The following NF2 variants were observed in gnomAD, a reference collection of about 807,000 sequenced individuals.
NF2 encodes NF2, moesin-ezrin-radixin like (MERLIN) tumor suppressor.
NF2 carries 8 observed loss-of-function variants against 83.7 expected under a neutral mutation model. That is an observed-to-expected ratio of 0.10 (90% CI 0.06 to 0.17). The LOEUF is 0.17. Ranked by LOEUF, NF2 falls within the 10% of genes least tolerant of loss-of-function variation. The pLI is 1.00. For synonymous variants in NF2, 266 were observed against 269.6 expected, an observed-to-expected ratio of 0.99 and a Z score of 0.13; for missense variants, 533 against 744.4, an observed-to-expected ratio of 0.72 and a Z score of 3.31.
At chr22:29,619,970 A>G (rs1036670280) in intron 1 of NF2, among the ~76,000 whole-genome samples, 1 of 152,168 alleles carries the variant, frequency 6.6e-6, no homozygotes, top group Non-Finnish European at 1.5e-5. Flanking sequence ...CATTCAAGAG[A>G]TATTATAAAA....
chr22:29,606,088 G>T (rs11704849), intron 1 of NF2, among the ~76,000 whole-genome samples: 18,191 of 152,270 alleles, frequency 0.12, 1,396 homozygotes, highest in Middle Eastern at 0.25. Flanking sequence ...CCAAGTAGCT[G>T]GGATTGCAGG....
Position 29,639,017 on chromosome 22 carries a change from A to G in NF2, c.241-73A>G, listed in dbSNP as rs1208036915. 13 of 1,610,004 alleles carry G rather than the reference A, an allele frequency of 8.1e-6. No individual in the cohort carries two copies. The Admixed American group carries it at 1.0e-4, about 12-fold the overall frequency. ...AAAAAAATTTAATGCACGCCTTGCA[A>G]AGGCTTCTTTGAGGGTAGCACAGGA... is the stretch of plus-strand genomic sequence containing the variant. On this transcript the variant is annotated intron_variant, in intron 2 of 15. Coordinates refer to ENST00000338641, the MANE Select transcript of NF2 (RefSeq NM_000268.4).
At chr22:29,641,968 A>T (rs560873429) in intron 3 of NF2, among the ~76,000 whole-genome samples, 1 of 152,308 alleles carries the variant, frequency 6.6e-6, no homozygotes, top group South Asian at 2.1e-4. Flanking sequence ...AGCATTGATC[A>T]TGAAGAGAAG....
Position 29,603,975 on chromosome 22 carries a change from G to A in NF2, c.-24G>A, listed in dbSNP as rs949435012. 2.6e-6 allele frequency: 4 copies of A among 1,539,756 alleles called. No homozygotes were observed. The African/African-American group carries it at 5.5e-5, about 21-fold the overall frequency. Reference sequence around the variant, plus strand: ...CAGAGTGCAGGCCGTGGGGCGCGAGGGTCCCGGGCCTGAGCCCCGCGCCAT... The same window carrying A: ...CAGAGTGCAGGCCGTGGGGCGCGAGAGTCCCGGGCCTGAGCCCCGCGCCAT... On this transcript the variant is annotated 5_prime_UTR_variant, in exon 1 of 16. Transcript: ENST00000338641.
chr22:29,610,024 A>AT (rs1013289477), intron 1 of NF2, among the ~76,000 whole-genome samples: 1 of 132,148 alleles, frequency 7.6e-6, no homozygotes, highest in Non-Finnish European at 1.7e-5. Flanking sequence ...TAAAAAATAA[A>AT]TAAATAATTA....
Position 29,624,127 on chromosome 22 carries a change from A to G in NF2, c.115-12624A>G, listed in dbSNP as rs557890318. ...GCCTCTGCTACCTGCTTCCCAAGTG[A>G]CCTTGAACTTAACTCTTTAAACCTC... On this transcript the variant is annotated intron_variant, in intron 1 of 15. Transcript: ENST00000338641. 8.5e-5 allele frequency among the ~76,000 whole-genome samples: 13 copies of G among 152,328 alleles called. No homozygotes were observed. In the South Asian group the frequency reaches 2.7e-3, roughly 32 times the overall value.
At chr22:29,611,106 A>G (rs971338681) in intron 1 of NF2, among the ~76,000 whole-genome samples, 1 of 152,246 alleles carries the variant, frequency 6.6e-6, no homozygotes, top group African/African-American at 2.4e-5. Flanking sequence ...AGACACAGAA[A>G]AAGCATTTGA....
At chr22:29,604,924 C>G (rs2064746401) in intron 1 of NF2, among the ~76,000 whole-genome samples, 1 of 152,186 alleles carries the variant, frequency 6.6e-6, no homozygotes, top group African/African-American at 2.4e-5. Flanking sequence ...ATAAGATCAG[C>G]TTCCAGCATG....
rs369420130 is a variant in NF2, at chr22:29,694,198, G to A, written c.1738-554G>A. 6.6e-6 allele frequency among the ~76,000 whole-genome samples: 1 copy of A among 152,236 alleles called. No individual in the cohort carries two copies. Among genetic ancestry groups the A allele is most frequent in the African/African-American group, 2.4e-5 (1 of 41,456 alleles). ...AGAGAAACACCTTCTCAGCTGCCAC[G>A]TCATGAGCAAGTTTGCTTCGGGACC... is the stretch of plus-strand genomic sequence containing the variant. On this transcript the variant is annotated intron_variant, in intron 15 of 15. Transcript: ENST00000338641. This position sits in a 1 kb window ranked among gnomAD's most constrained non-coding sequence, Gnocchi z 4.1.
intron 1 of NF2, among the ~76,000 whole-genome samples, chr22:29,605,895 A>G (rs751128507): frequency 4.6e-5 from 7 of 152,116 alleles, no homozygotes; most frequent in Non-Finnish European, 7.3e-5. Context: ...TTCTCATCCT[A>G]CCTAGAGCTA....
At chr22:29,610,080 G>A (rs1272345227) in intron 1 of NF2, among the ~76,000 whole-genome samples, 2 of 152,048 alleles carry the variant, frequency 1.3e-5, no homozygotes, top group Admixed American at 6.6e-5. Context: ...GCTGTTGCCT[G>A]TAATCTCAGC....
chr22:29,612,156 C>T (rs976764959), intron 1 of NF2, among the ~76,000 whole-genome samples: 1 of 152,052 alleles, frequency 6.6e-6, no homozygotes, highest in East Asian at 1.9e-4. Context: ...TACAGGTGTG[C>T]ACCACCATGC....
intron 1 of NF2, among the ~76,000 whole-genome samples, chr22:29,616,007 A>G (rs1264666950): frequency 6.6e-6 from 1 of 152,218 alleles, no homozygotes; most frequent in Non-Finnish European, 1.5e-5. Context: ...AGAATGAAGT[A>G]CCAGCACGTG....
chr22:29,677,521 C>T (rs1264942126), intron 13 of NF2, among the ~76,000 whole-genome samples: 1 of 151,890 alleles, frequency 6.6e-6, no homozygotes, highest in African/African-American at 2.4e-5. Flanking sequence ...AAAACTACAC[C>T]ACCCCTGCTT....
intron 15 of NF2, among the ~76,000 whole-genome samples, chr22:29,693,553 C>G (rs2067463265): frequency 6.6e-6 from 1 of 152,098 alleles, no homozygotes; most frequent in Admixed American, 6.5e-5. Flanking sequence ...CTCGAGGGGT[C>G]CAGAGAATGG....
intron 15 of NF2, chr22:29,682,870 C>A: frequency 1.2e-6 from 1 of 866,874 alleles, no homozygotes; most frequent in Non-Finnish European, 1.9e-6. Context: ...AGTGTGAGAG[C>A]TGGAGAGACC....
At chr22:29,610,809 C>T (rs1053410893) in intron 1 of NF2, among the ~76,000 whole-genome samples, 6 of 151,944 alleles carry the variant, frequency 3.9e-5, no homozygotes, top group South Asian at 2.1e-4. Context: ...TACTTACAAA[C>T]GAATTTTATG....
intron 3 of NF2, 113 bp downstream of exon 3, chr22:29,639,325 C>A: frequency 7.5e-7 from 1 of 1,340,526 alleles, no homozygotes; most frequent in Non-Finnish European, 1.1e-6. Context: ...TATTCTACCT[C>A]TGGAAGGTCA....
intron 15 of NF2, among the ~76,000 whole-genome samples, chr22:29,686,746 G>A (rs556117634): frequency 1.3e-5 from 2 of 152,302 alleles, no homozygotes; most frequent in African/African-American, 4.8e-5. Context: ...TTAACTTCCT[G>A]TATTTCCATT....
Sources: allele counts gnomAD v4.1 joint callset (sites outside exome capture counted in the v4.1 genomes callset), GRCh38; gene constraint gnomAD v4.1.1; non-coding constraint Gnocchi (gnomAD v3.1); transcripts MANE v1.5; gene names NCBI Gene and HGNC (gene_info 2026-07-23, HGNC 2026-07-21).